The following AXIN1 variants were observed in gnomAD, a reference collection of about 807,000 sequenced individuals.
AXIN1 encodes axin 1.
Under a neutral mutation model 76.4 loss-of-function variants are expected in AXIN1, and 30 were observed. The observed-to-expected ratio is 0.39, with a 90% CI of 0.29 to 0.53. AXIN1 has a LOEUF of 0.53. AXIN1 is among the 20% of genes least tolerant of loss of function. The pLI is 0.66. For missense variants in AXIN1, 1,140 were observed against 1,198.8 expected (o/e 0.95, Z 0.72); for synonymous variants, 545 against 501.4 (o/e 1.09, Z -1.16).
rs79176827 is a variant in AXIN1 at position 317,390 on chromosome 16, C to T, written c.879-2707G>A. Among the ~76,000 whole-genome samples the T allele has an allele frequency of 5.6e-3, 859 of 152,256 alleles. 5 individuals carry two copies. Among genetic ancestry groups the T allele is most frequent in the African/African-American group, 0.019 (792 of 41,558 alleles). On this transcript the variant is annotated intron_variant, in intron 2 of 10. Coordinates refer to ENST00000262320, the MANE Select transcript of AXIN1 (RefSeq NM_003502.4). The stretch of plus-strand genomic sequence containing the variant: ...CTTTCATACGAACAGTGCTGGTGAC[C>T]GTGCTCAGCTGCTCGGGAGGCAGGT...
chr16:315,809 C>G (rs1307493969), intron 2 of AXIN1, among the ~76,000 whole-genome samples: 2 of 129,724 alleles, frequency 1.5e-5, no homozygotes, highest in Non-Finnish European at 3.1e-5. Context: ...GCCTGGGTGA[C>G]AGAGCAAGAC....
chr16:334,844 A>G (rs2053771055), intron 2 of AXIN1, among the ~76,000 whole-genome samples: 1 of 152,046 alleles, frequency 6.6e-6, no homozygotes, highest in South Asian at 2.1e-4. Flanking sequence ...ACCATCCAGT[A>G]CCATGACACG....
At chr16:296,927 G>A (rs1256603638) in intron 7 of AXIN1, 129 bp downstream of exon 7, 1 of 1,183,826 alleles carries the variant, frequency 8.4e-7, no homozygotes, top group East Asian at 2.4e-5. Context: ...GTGCCACAGT[G>A]ACAGGGGAAG....
rs1265435670 is a variant in AXIN1 at position 289,508 on chromosome 16, G to C, written c.2394C>G (p.Thr798=). Residue 798 remains threonine, a synonymous_variant, in exon 10 of 11, where the codon ACC becomes ACG. Coordinates refer to ENST00000262320, the MANE Select transcript of AXIN1 (RefSeq NM_003502.4). ...YFCGEPIPYR[T]LVRGRAVTLG... is the part of the protein sequence containing the mutation. ...GGGTGACAGCGCGGCCCCTCACCAG[G>C]GTGCGGTAGGGGATGGGTTCCCCGC... 1 of 1,612,970 alleles carries C rather than the reference G, an allele frequency of 6.2e-7. No homozygotes were observed. Among genetic ancestry groups the C allele is most frequent in the South Asian group, 1.1e-5 (1 of 91,090 alleles).
At chr16:341,255 G>T (rs544493908) in intron 2 of AXIN1, among the ~76,000 whole-genome samples, 23 of 152,278 alleles carry the variant, frequency 1.5e-4, no homozygotes, top group Non-Finnish European at 2.5e-4. Flanking sequence ...AGCTTGCGGG[G>T]AGGTGTGGAG....
In AXIN1 at chr16:326,372, A is replaced by AATATATAT. The variant is rs67811547; in HGVS notation, c.879-11697_879-11690dup. ...TCCGTCTCAAAAAAAAAAAAAAAAA[A>AATATATAT]ATATATATATATATATATATATACA... On this transcript the variant is annotated intron_variant, in intron 2 of 10. Transcript: ENST00000262320. Among the ~76,000 whole-genome samples, 55 of 86,454 alleles carry AATATATAT rather than the reference A, an allele frequency of 6.4e-4. 1 individual carries two copies. Among genetic ancestry groups the AATATATAT allele is most frequent in the South Asian group, 4.2e-3 (12 of 2,862 alleles). 56.7% of individuals were successfully genotyped at this position (86,454 alleles called of 152,430 possible).
At chr16:296,133 C>G (rs1034056456) in intron 7 of AXIN1, among the ~76,000 whole-genome samples, 1 of 152,164 alleles carries the variant, frequency 6.6e-6, no homozygotes, top group East Asian at 1.9e-4. Context: ...CTGTGCACCC[C>G]TGTTCCCTCG....
chr16:287,837 T>TC lies in AXIN1; in HGVS notation c.*284dup. ...GGAGGTGCCGGGGGATGGGGGGGGGTCACCTGAAGCTGGCAGCAGGGACCT... is the reference window on the plus strand; with the variant it reads ...GGAGGTGCCGGGGGATGGGGGGGGGTCCACCTGAAGCTGGCAGCAGGGACCT... On this transcript the variant is annotated 3_prime_UTR_variant, in exon 11 of 11. Transcript: ENST00000262320. 1 of 493,618 alleles carries TC rather than the reference T, an allele frequency of 2.0e-6. No homozygotes were observed. The highest frequency in any genetic ancestry group is 3.7e-6 in the Non-Finnish European group (1 of 272,684). The allele number at this position is 493,618 out of a possible 1,614,324, so 30.6% of individuals were successfully genotyped here.
chr16:316,374 C>G (rs1197298906), intron 2 of AXIN1, among the ~76,000 whole-genome samples: 1 of 152,206 alleles, frequency 6.6e-6, no homozygotes, highest in Non-Finnish European at 1.5e-5. Flanking sequence ...TTTTAAGCGC[C>G]TCTCTCCACC....
chr16:301,203 A>G (rs931863623), intron 5 of AXIN1, among the ~76,000 whole-genome samples: 1 of 151,784 alleles, frequency 6.6e-6, no homozygotes, highest in South Asian at 2.1e-4. Flanking sequence ...CCCGGGAGGC[A>G]GAGCTTGCAG....
chr16:348,691 T>C (rs1006186373), intron 1 of AXIN1, among the ~76,000 whole-genome samples: 2 of 152,138 alleles, frequency 1.3e-5, no homozygotes, highest in Admixed American at 1.3e-4. Context: ...TAGTCTCAGC[T>C]ACTTGGAAGA....
chr16:342,078 A>G (rs759539303), intron 2 of AXIN1, among the ~76,000 whole-genome samples: 2 of 152,204 alleles, frequency 1.3e-5, no homozygotes, highest in Admixed American at 6.5e-5. Flanking sequence ...CAGCAGTGGT[A>G]ACTCGCTCGG....
Position 320,864 on chromosome 16 carries a change from C to T in AXIN1, c.879-6181G>A, listed in dbSNP as rs906074190. Among the ~76,000 whole-genome samples, 11 of 134,652 alleles carry T rather than the reference C, an allele frequency of 8.2e-5. No individual in the cohort carries two copies. The East Asian group carries it at 2.1e-3, about 25-fold the overall frequency. The allele number at this position is 134,652 out of a possible 152,430, so 88.3% of individuals were successfully genotyped here. The stretch of plus-strand genomic sequence containing the variant: ...AATCGATTCTCCTGCCTCAGCCTCC[C>T]GAGTAGCTGGGACTCCAGGCACACG... On this transcript the variant is annotated intron_variant, in intron 2 of 10. Coordinates refer to ENST00000262320, the MANE Select transcript of AXIN1 (RefSeq NM_003502.4).
chr16:326,368 A>ATATATAT (rs1555483785), intron 2 of AXIN1, among the ~76,000 whole-genome samples: 1 of 90,442 alleles, frequency 1.1e-5, no homozygotes, highest in East Asian at 2.6e-4. Context: ...AAAAAAAAAA[A>ATATATAT]AAAAATATAT....
intron 2 of AXIN1, among the ~76,000 whole-genome samples, chr16:333,299 C>A (rs1229703448): frequency 1.1e-4 from 17 of 151,148 alleles, no homozygotes; most frequent in African/African-American, 4.1e-4. Flanking sequence ...ACCACTGCAC[C>A]CCAGCCCGGG....
In AXIN1 at chr16:352,481, C is replaced by T; in HGVS notation, c.-194G>A. The T allele has an allele frequency of 2.1e-6, 2 of 934,986 alleles. No individual in the cohort carries two copies. Among genetic ancestry groups the T allele is most frequent in the South Asian group, 4.9e-5 (1 of 20,588 alleles). The allele number at this position is 934,986 out of a possible 1,614,324, so 57.9% of individuals were successfully genotyped here. On this transcript the variant is annotated 5_prime_UTR_variant, in exon 1 of 11. Coordinates refer to ENST00000262320, the MANE Select transcript of AXIN1 (RefSeq NM_003502.4). ...GGCGGGACCCGGCGGGGGCGCGGCCCGGGGCGGCCCCCATCTCGGCGGCTG... is the reference window on the plus strand; with the variant it reads ...GGCGGGACCCGGCGGGGGCGCGGCCTGGGGCGGCCCCCATCTCGGCGGCTG...
At chr16:345,293 A>C (rs2054011278) in intron 2 of AXIN1, among the ~76,000 whole-genome samples, 1 of 152,218 alleles carries the variant, frequency 6.6e-6, no homozygotes, top group Non-Finnish European at 1.5e-5. Flanking sequence ...GCAGGAAAAA[A>C]GGCCCAATCC....
chr16:345,785 T>C (rs2141698269), intron 2 of AXIN1, among the ~76,000 whole-genome samples: 1 of 152,190 alleles, frequency 6.6e-6, no homozygotes, highest in African/African-American at 2.4e-5. Context: ...CTCCTCCCTT[T>C]ATTAAGCGGA....
chr16:330,425 C>A (rs10903015), intron 2 of AXIN1, among the ~76,000 whole-genome samples: 90,506 of 152,082 alleles, frequency 0.6, 28,109 homozygotes, highest in African/African-American at 0.78. Context: ...GAAAACTATG[C>A]AATAATGTAC....
Sources: gnomAD v4.1 joint callset for allele counts (sites outside exome capture counted in the v4.1 genomes callset) on GRCh38, gnomAD v4.1.1 for gene constraint, MANE v1.5 for transcripts, NCBI Gene and HGNC (gene_info 2026-07-23, HGNC 2026-07-21) for gene names.